KCNJ3: variants seen among roughly 807,000 people sequenced by gnomAD.
KCNJ3 encodes G protein-activated inward rectifier potassium channel 1.
KCNJ3 carries 4 observed loss-of-function variants against 39.2 expected under a neutral mutation model. The observed-to-expected ratio is 0.10, with a 90% confidence interval of 0.05 to 0.23. KCNJ3 has a LOEUF of 0.23. KCNJ3 is among the 10% of genes least tolerant of loss of function. The pLI is 1.00. For missense variants in KCNJ3, 276 were observed against 634.9 expected, an observed-to-expected ratio of 0.43 and a Z score of 6.08; for synonymous variants, 230 against 237.4, an observed-to-expected ratio of 0.97 and a Z score of 0.29.
intron 1 of KCNJ3, among the ~76,000 whole-genome samples, chr2:154,703,736 T>C (rs1473704586): frequency 6.6e-6 from 1 of 151,992 alleles, no homozygotes; most frequent in Non-Finnish European, 1.5e-5. Flanking sequence ...GAAATGTGAT[T>C]ATGTTTTTGA....
intron 2 of KCNJ3, among the ~76,000 whole-genome samples, chr2:154,794,009 A>C (rs2105212164): frequency 6.6e-6 from 1 of 152,042 alleles, no homozygotes; most frequent in South Asian, 2.1e-4. Context: ...ACTTTCAGCA[A>C]TGTAATGTGG....
intron 2 of KCNJ3, among the ~76,000 whole-genome samples, chr2:154,761,609 T>C (rs2105189332): frequency 6.6e-6 from 1 of 152,346 alleles, no homozygotes; most frequent in Admixed American, 6.5e-5. Flanking sequence ...TTTATTATGC[T>C]TTCTAGGAGA....
intron 2 of KCNJ3, among the ~76,000 whole-genome samples, chr2:154,826,214 G>A (rs1330225573): frequency 2.6e-5 from 4 of 152,114 alleles, no homozygotes; most frequent in South Asian, 2.1e-4. Flanking sequence ...AGCTATGTAC[G>A]AGACTAATCA....
chr2:154,802,673 C>T (rs749509179), intron 2 of KCNJ3, among the ~76,000 whole-genome samples: 3 of 152,042 alleles, frequency 2.0e-5, no homozygotes, highest in Non-Finnish European at 2.9e-5. Flanking sequence ...TAACTCATGG[C>T]TATAAGAAAT....
chr2:154,783,782 T>TA (rs1471839921), intron 2 of KCNJ3, among the ~76,000 whole-genome samples: 1 of 152,184 alleles, frequency 6.6e-6, no homozygotes, highest in Non-Finnish European at 1.5e-5. Flanking sequence ...CTTCTCTATA[T>TA]AAGAAACTCA....
At chr2:154,803,336 C>T (rs981477985) in intron 2 of KCNJ3, among the ~76,000 whole-genome samples, 6 of 151,796 alleles carry the variant, frequency 4.0e-5, no homozygotes, top group Non-Finnish European at 7.4e-5. Context: ...ATTAAATGAG[C>T]ACCTGTTTTA....
intron 2 of KCNJ3, among the ~76,000 whole-genome samples, chr2:154,824,522 C>A (rs1384053175): frequency 6.6e-6 from 1 of 152,008 alleles, no homozygotes; most frequent in Non-Finnish European, 1.5e-5. Flanking sequence ...CCCCCTGCAC[C>A]AAATTTGTGT....
intron 2 of KCNJ3, among the ~76,000 whole-genome samples, chr2:154,806,281 G>T (rs544413053): frequency 6.6e-6 from 1 of 152,260 alleles, no homozygotes; most frequent in Non-Finnish European, 1.5e-5. Flanking sequence ...CATCAGCAAA[G>T]TTGTGTCTGT....
In KCNJ3 at chr2:154,850,008, C is replaced by CTTT. The variant is rs373062062; in HGVS notation, c.920-4685_920-4683dup. On this transcript the variant is annotated intron_variant, in intron 2 of 2. Transcript: ENST00000295101. ...TTGCAATGCAATGTACAGAATAAAT[C>CTTT]TTTTTTTTTTTTTTTTTTTTTTTTT... Among the ~76,000 whole-genome samples the CTTT allele has an allele frequency of 5.2e-3, 253 of 48,824 alleles. 56 individuals carry two copies. Among genetic ancestry groups the CTTT allele is most frequent in the African/African-American group, 0.015 (185 of 12,480 alleles). The allele number at this position is 48,824 out of a possible 152,430, so 32.0% of individuals were successfully genotyped here. A position where few individuals can be genotyped will look rare whatever the true frequency, so the allele number is the denominator to read the frequency against.
Position 154,858,272 on chromosome 2 carries a change from A to G in KCNJ3, c.*2959A>G, listed in dbSNP as rs1687877454. On this transcript the variant is annotated 3_prime_UTR_variant, in exon 3 of 3. Transcript: ENST00000295101. ...TCACTCTTACAATGTCTTGGTTTGG[A>G]TGATATATGGTGAAGTTTTTGTTGA... 2 of 152,146 alleles carry G rather than the reference A, an allele frequency of 1.3e-5. No individual in the cohort carries two copies. The highest frequency in any genetic ancestry group is 2.9e-5 in the Non-Finnish European group (2 of 68,028). The allele number at this position is 152,146 out of a possible 1,614,324, so 9.4% of individuals were successfully genotyped here. A position where few individuals can be genotyped will look rare whatever the true frequency, so the allele number is the denominator to read the frequency against.
chr2:154,716,727 T>C (rs564801196), intron 2 of KCNJ3, among the ~76,000 whole-genome samples: 14 of 152,338 alleles, frequency 9.2e-5, no homozygotes, highest in African/African-American at 3.4e-4. Context: ...ACTTTGTTTA[T>C]GGCTACTTAT....
intron 2 of KCNJ3, among the ~76,000 whole-genome samples, chr2:154,849,034 A>G (rs868456287): frequency 6.6e-6 from 1 of 152,148 alleles, no homozygotes; most frequent in Non-Finnish European, 1.5e-5. Flanking sequence ...TTGCCTACAC[A>G]GTACTACTTG....
At chr2:154,846,100 G>A (rs1193707475) in intron 2 of KCNJ3, among the ~76,000 whole-genome samples, 1 of 152,182 alleles carries the variant, frequency 6.6e-6, no homozygotes, top group Non-Finnish European at 1.5e-5. Flanking sequence ...TGAGAAAGTA[G>A]TTACTACAAA....
In KCNJ3 at chr2:154,807,733, C is replaced by T. The variant is rs1489376482; in HGVS notation, c.920-46994C>T. 2.6e-5 allele frequency among the ~76,000 whole-genome samples: 4 copies of T among 152,094 alleles called. No homozygotes were observed. The South Asian group carries it at 8.3e-4, about 32-fold the overall frequency. ...TTAGAGACTGGTGATCAAGTCATGG[C>T]CACCACCACCTGGTGAAGAGTGGCA... On this transcript the variant is annotated intron_variant, in intron 2 of 2. Transcript: ENST00000295101.
At chr2:154,754,573 C>T (rs1685906370) in intron 2 of KCNJ3, among the ~76,000 whole-genome samples, 1 of 152,336 alleles carries the variant, frequency 6.6e-6, no homozygotes, top group South Asian at 2.1e-4. Context: ...CCGCACCCGG[C>T]TGTAAACATT....
At chr2:154,828,909 T>C (rs1185248716) in intron 2 of KCNJ3, among the ~76,000 whole-genome samples, 1 of 152,142 alleles carries the variant, frequency 6.6e-6, no homozygotes. Context: ...ATCAAAAATA[T>C]ATTATGCCAG....
chr2:154,810,531 A>G (rs369661429), intron 2 of KCNJ3, among the ~76,000 whole-genome samples: 9 of 152,332 alleles, frequency 5.9e-5, no homozygotes, highest in African/African-American at 2.2e-4. Flanking sequence ...ACTTAAAATA[A>G]TACTATTATA....
chr2:154,811,250 C>T (rs1352845784), intron 2 of KCNJ3, among the ~76,000 whole-genome samples: 5 of 152,122 alleles, frequency 3.3e-5, no homozygotes, highest in Non-Finnish European at 5.9e-5. Flanking sequence ...GGCTAGGAGA[C>T]GTGGCATATG....
chr2:154,854,460 G>C (rs1168644000), intron 2 of KCNJ3, among the ~76,000 whole-genome samples: 1 of 151,964 alleles, frequency 6.6e-6, no homozygotes. Context: ...TGCTACTTTT[G>C]CTTTTGGTTT....
Sources: gnomAD v4.1 joint callset for allele counts (sites outside exome capture counted in the v4.1 genomes callset) on GRCh38, gnomAD v4.1.1 for gene constraint, MANE v1.5 for transcripts, NCBI Gene and HGNC (gene_info 2026-07-23, HGNC 2026-07-21) for gene names.